EPHA7: variants seen among roughly 807,000 people sequenced by gnomAD.
EPHA7 encodes ephrin type-A receptor 7.
In EPHA7, 25 loss-of-function variants were observed where a neutral mutation model predicts 112.6. That is an observed-to-expected ratio of 0.22 (90% CI 0.16 to 0.31). The LOEUF is 0.31. EPHA7 is among the 10% of genes least tolerant of loss of function. The pLI is 1.00. For synonymous variants in EPHA7, 437 were observed against 406.5 expected (o/e 1.07, Z -0.90); for missense variants, 962 against 1,212.6 (o/e 0.79, Z 3.07).
intron 5 of EPHA7, among the ~76,000 whole-genome samples, chr6:93,339,480 T>C (rs1775037293): frequency 6.6e-6 from 1 of 151,852 alleles, no homozygotes; most frequent in Non-Finnish European, 1.5e-5. Context: ...ATGAGGTTTT[T>C]ATTTTATAAA....
chr6:93,410,628 G>A lies in EPHA7; in HGVS notation c.705C>T (p.Val235=), dbSNP rs2127994441. Residue 235 remains valine, a synonymous_variant, in exon 3 of 17, where the codon GTC becomes GTT. Transcript: ENST00000369303. This position sits in a 1 kb window ranked among gnomAD's most constrained non-coding sequence, Gnocchi z 4.0. ...TTTCCGCTTCTTCCTCTGCACTGCT[G>A]ACACATGTCCCTCGAACCTCGACTA... ...SSLVEVRGTC[V]SSAEEEAENA... is the part of the protein sequence containing the mutation. 2 of 1,614,004 alleles carry A rather than the reference G, an allele frequency of 1.2e-6. No individual in the cohort carries two copies. Among genetic ancestry groups the A allele is most frequent in the Non-Finnish European group, 1.7e-6 (2 of 1,179,954 alleles).
At chr6:93,289,379 T>C (rs1362476806) in intron 5 of EPHA7, among the ~76,000 whole-genome samples, 1 of 152,098 alleles carries the variant, frequency 6.6e-6, no homozygotes, top group African/African-American at 2.4e-5. Flanking sequence ...ATTACAACTA[T>C]TAATTCATAG....
At chr6:93,255,202 T>A (rs752494813) in intron 13 of EPHA7, among the ~76,000 whole-genome samples, 5 of 146,764 alleles carry the variant, frequency 3.4e-5, no homozygotes, top group Non-Finnish European at 6.0e-5. Context: ...AAAAAAATTA[T>A]CCGTGCGTGG....
rs2127844081 is a variant in EPHA7, at chr6:93,243,527, A to C, written c.2896T>G (p.Leu966Val). 6.2e-7 allele frequency: 1 copy of C among 1,612,466 alleles called. No homozygotes were observed. The highest frequency in any genetic ancestry group is 2.2e-5 in the East Asian group (1 of 44,830). The part of the protein sequence containing the change: ...ARMTIEDVMS[L>V]GITLVGHQKK... ...TGATGACCAACCAGTGTGATCCCTA[A>C]ACTCATCACATCCCTGAAAAAGACA... is the stretch of plus-strand genomic sequence containing the variant. The change falls in exon 17 of 17, where the codon TTA becomes GTA. Residue 966 changes from leucine to valine, a missense_variant. Physicochemically the swap from Leu to Val is conservative, Grantham distance 32 (BLOSUM62 1). This residue lies in a region of EPHA7 where 746 missense variants were observed against 889.2 expected (regional missense o/e 0.84). Coordinates refer to ENST00000369303, the MANE Select transcript of EPHA7 (RefSeq NM_004440.4).
chr6:93,263,116 G>GT (rs1285784876), intron 9 of EPHA7, among the ~76,000 whole-genome samples: 3 of 151,214 alleles, frequency 2.0e-5, no homozygotes, highest in African/African-American at 7.3e-5. Flanking sequence ...ATAGGTAAAG[G>GT]TAAGAACATC....
intron 5 of EPHA7, among the ~76,000 whole-genome samples, chr6:93,301,185 A>G (rs1350026559): frequency 6.6e-6 from 1 of 152,198 alleles, no homozygotes; most frequent in African/African-American, 2.4e-5. Flanking sequence ...TAAATATATT[A>G]TCTACTCTGC....
intron 5 of EPHA7, among the ~76,000 whole-genome samples, chr6:93,347,192 G>A (rs1248598867): frequency 6.6e-6 from 1 of 151,750 alleles, no homozygotes; most frequent in Non-Finnish European, 1.5e-5. Context: ...AAATTATTAG[G>A]TTAAAATTGC....
intron 5 of EPHA7, among the ~76,000 whole-genome samples, chr6:93,304,168 A>T (rs1562083093): frequency 6.6e-6 from 1 of 152,088 alleles, no homozygotes; most frequent in East Asian, 1.9e-4. Flanking sequence ...GTAGTATAGT[A>T]ATTATACTAC....
At chr6:93,375,378 G>A (rs1295321074) in intron 3 of EPHA7, among the ~76,000 whole-genome samples, 1 of 152,000 alleles carries the variant, frequency 6.6e-6, no homozygotes, top group Non-Finnish European at 1.5e-5. Context: ...CACTTTGGGA[G>A]GCCAAGGTGG....
At chr6:93,282,715 G>A (rs1034421644) in intron 5 of EPHA7, among the ~76,000 whole-genome samples, 2 of 152,182 alleles carry the variant, frequency 1.3e-5, no homozygotes, top group African/African-American at 4.8e-5. Context: ...CCCGGTGGGC[G>A]TGGGCTCGGC....
intron 5 of EPHA7, among the ~76,000 whole-genome samples, chr6:93,308,348 A>G (rs1194010216): frequency 6.6e-6 from 1 of 152,060 alleles, no homozygotes; most frequent in Non-Finnish European, 1.5e-5. Flanking sequence ...AAAGGAAAAT[A>G]TATCTTATTA....
chr6:93,341,979 G>C lies in EPHA7; in HGVS notation c.1324+14738C>G, dbSNP rs149182330. ...CTCAGATCTCTTTCAGGGCCTGCCT[G>C]GTGAAAAAGGCCCAAGACCCACTCA... On this transcript the variant is annotated intron_variant, in intron 5 of 16. Transcript: ENST00000369303. 8.3e-3 allele frequency among the ~76,000 whole-genome samples: 1,265 copies of C among 151,874 alleles called. 21 individuals are homozygous for C. Among genetic ancestry groups the C allele is most frequent in the African/African-American group, 0.029 (1,211 of 41,480 alleles).
At chr6:93,348,677 C>G (rs1353149631) in intron 5 of EPHA7, among the ~76,000 whole-genome samples, 3 of 151,770 alleles carry the variant, frequency 2.0e-5, no homozygotes, top group Non-Finnish European at 4.4e-5. Flanking sequence ...AAATTATTAA[C>G]TTATGTACTC....
chr6:93,350,005 T>C lies in EPHA7; in HGVS notation c.1324+6712A>G, dbSNP rs146839814. Among the ~76,000 whole-genome samples the C allele has an allele frequency of 3.4e-3, 512 of 152,030 alleles. 1 individual carries two copies. The highest frequency in any genetic ancestry group is 6.8e-3 in the Middle Eastern group (2 of 294). On this transcript the variant is annotated intron_variant, in intron 5 of 16. Transcript: ENST00000369303. ...CTCAGGTTATATTTCATCTGGTACA[T>C]TATATAAACATTACAAATCAAAGTA...
At chr6:93,297,634 G>GT (rs1772740440) in intron 5 of EPHA7, among the ~76,000 whole-genome samples, 1 of 152,082 alleles carries the variant, frequency 6.6e-6, no homozygotes, top group Non-Finnish European at 1.5e-5. Flanking sequence ...AAGGTTCTTT[G>GT]TAAGTGCCAG....
chr6:93,380,465 A>T (rs1777281997), intron 3 of EPHA7, among the ~76,000 whole-genome samples: 1 of 152,118 alleles, frequency 6.6e-6, no homozygotes, highest in African/African-American at 2.4e-5. Context: ...CGGAGAAAGA[A>T]ATATCCATTA....
At chr6:93,413,367 G>C (rs945426492) in intron 2 of EPHA7, among the ~76,000 whole-genome samples, 11 of 151,776 alleles carry the variant, frequency 7.2e-5, no homozygotes, top group Non-Finnish European at 1.6e-4. Context: ...TTGTCATTTT[G>C]TGTATTACAT....
At chr6:93,349,239 CTA>C (rs925376646) in intron 5 of EPHA7, among the ~76,000 whole-genome samples, 1 of 151,462 alleles carries the variant, frequency 6.6e-6, no homozygotes, top group Non-Finnish European at 1.5e-5. Flanking sequence ...GTAAATGTAT[CTA>C]TATATATATG....
intron 3 of EPHA7, among the ~76,000 whole-genome samples, chr6:93,385,545 T>A (rs937030773): frequency 4.6e-5 from 7 of 152,070 alleles, no homozygotes; most frequent in Non-Finnish European, 7.4e-5. Context: ...TGGTATCTCA[T>A]ATTTTTATTT....
Sources: allele counts gnomAD v4.1 joint callset (sites outside exome capture counted in the v4.1 genomes callset), GRCh38; gene constraint gnomAD v4.1.1; regional missense constraint gnomAD v4.1.1; non-coding constraint Gnocchi (gnomAD v3.1); transcripts MANE v1.5; gene names NCBI Gene and HGNC (gene_info 2026-07-23, HGNC 2026-07-21).